Variants in NUP210 observed in about 807,000 individuals in gnomAD.
NUP210 encodes the protein nucleoporin 210.
A neutral mutation model predicts 196.0 loss-of-function variants in NUP210; 151 were observed. That is an observed-to-expected ratio of 0.77 (90% CI 0.67 to 0.88). NUP210 has a LOEUF of 0.88. Among genes scored for constraint, NUP210 ranks in the 40% least tolerant of loss-of-function variants. The pLI is 0.00. For synonymous variants in NUP210, 1,070 were observed against 1,052.7 expected (o/e 1.02, Z -0.32); for missense variants, 2,314 against 2,493.7 (o/e 0.93, Z 1.53).
At position 13,356,954 on chromosome 3, in the gene NUP210, T is replaced by C. The variant is rs189177821; in HGVS notation, c.2328+1268A>G. On this transcript the variant is annotated intron_variant, in intron 16 of 39. Coordinates refer to ENST00000254508, the MANE Select transcript of NUP210 (RefSeq NM_024923.4). Reference sequence around the variant, plus strand: ...CAGACAACGCTAAGGACAGGGAAGATGCACATAGGTATGATTTGTTTTTCT... The same window carrying C: ...CAGACAACGCTAAGGACAGGGAAGACGCACATAGGTATGATTTGTTTTTCT... 2.0e-5 allele frequency among the ~76,000 whole-genome samples: 3 copies of C among 152,312 alleles called. No homozygotes were observed. In the East Asian group the frequency reaches 5.8e-4, roughly 29 times the overall value.
intron 6 of NUP210, among the ~76,000 whole-genome samples, chr3:13,381,699 C>G (rs755498052): frequency 6.6e-6 from 1 of 152,154 alleles, no homozygotes; most frequent in Non-Finnish European, 1.5e-5. Context: ...AACAGAAAGG[C>G]GCTCCTGAGG....
chr3:13,385,877 C>T (rs1389930266), intron 6 of NUP210, among the ~76,000 whole-genome samples: 1 of 152,160 alleles, frequency 6.6e-6, no homozygotes, highest in African/African-American at 2.4e-5. Flanking sequence ...GAAGGGAATT[C>T]CAACCCTTGC....
intron 6 of NUP210, among the ~76,000 whole-genome samples, chr3:13,385,931 T>C (rs1341432983): frequency 1.3e-5 from 2 of 152,042 alleles, no homozygotes; most frequent in African/African-American, 4.8e-5. Flanking sequence ...AGGAAAAAAG[T>C]GATATAAGCC....
intron 2 of NUP210, among the ~76,000 whole-genome samples, chr3:13,398,088 C>T (rs1215539357): frequency 6.6e-6 from 1 of 152,144 alleles, no homozygotes; most frequent in African/African-American, 2.4e-5. Flanking sequence ...AATGCTTGTG[C>T]ACTTTAGTGT....
Position 13,420,021 on chromosome 3 carries a change from C to T in NUP210, c.167+39G>A, listed in dbSNP as rs565517943. The T allele has an allele frequency of 1.6e-4, 181 of 1,157,178 alleles. No homozygotes were observed. In the African/African-American group the frequency reaches 2.6e-3, roughly 17 times the overall value. The allele number at this position is 1,157,178 out of a possible 1,614,324, so 71.7% of individuals were successfully genotyped here. A position where few individuals can be genotyped will look rare whatever the true frequency, so the allele number is the denominator to read the frequency against. On this transcript the variant is annotated intron_variant, in intron 1 of 39. Coordinates refer to ENST00000254508, the MANE Select transcript of NUP210 (RefSeq NM_024923.4). The surrounding 1 kb of genome is among the most constrained non-coding windows in gnomAD (Gnocchi z 4.8). The stretch of plus-strand genomic sequence containing the variant: ...AGCCTCTCAGCGCGAAGGCCCAGCC[C>T]GGCCCACGGCGCCCGCCCGGCCCGG...
In NUP210 at chr3:13,364,743, G is replaced by A. The variant is rs550103162; in HGVS notation, c.1932+1203C>T. ...CTCAGGAGGCCGAGGCAGGAGAATC[G>A]CTTAACCCTGGAAGGCAATGGTTGC... On this transcript the variant is annotated intron_variant, in intron 14 of 39. Transcript: ENST00000254508. Among the ~76,000 whole-genome samples, 9 of 152,250 alleles carry A rather than the reference G, an allele frequency of 5.9e-5. No homozygotes were observed. In the East Asian group the frequency reaches 9.6e-4, roughly 16 times the overall value.
chr3:13,344,295 T>A (rs1463428736), intron 20 of NUP210, among the ~76,000 whole-genome samples: 1 of 152,240 alleles, frequency 6.6e-6, no homozygotes, highest in Non-Finnish European at 1.5e-5. Context: ...CTGTTTATGA[T>A]GGAATTCATA....
At chr3:13,398,827 G>C (rs1699747640) in intron 2 of NUP210, among the ~76,000 whole-genome samples, 2 of 152,238 alleles carry the variant, frequency 1.3e-5, no homozygotes, top group Admixed American at 6.5e-5. Flanking sequence ...TTAAATACTT[G>C]AGAGGCTGAG....
chr3:13,326,026 G>C (rs1336297534), intron 32 of NUP210, 95 bp from the exon 33 acceptor site: 32 of 1,500,390 alleles, frequency 2.1e-5, no homozygotes, highest in Non-Finnish European at 2.8e-5. Flanking sequence ...TTCCTCGCTG[G>C]CTGCCGCTAC....
In NUP210 at chr3:13,328,637, G is replaced by A. The variant is rs140426443; in HGVS notation, c.4286+134C>T. On this transcript the variant is annotated intron_variant, in intron 31 of 39. Transcript: ENST00000254508. ...CTCGTGGCCCTGCATGGTGCAGCAT[G>A]CCCACATCTCTTGGAAACTGAAGTA... 1.3e-4 allele frequency: 109 copies of A among 839,526 alleles called. No individual in the cohort carries two copies. In the African/African-American group the frequency reaches 1.6e-3, roughly 12 times the overall value. 52.0% of individuals were successfully genotyped at this position (839,526 alleles called of 1,614,324 possible).
chr3:13,397,463 A>G lies in NUP210; in HGVS notation c.330T>C (p.Asp110=). The G allele has an allele frequency of 1.2e-6, 2 of 1,611,694 alleles. No homozygotes were observed. Among genetic ancestry groups the G allele is most frequent in the South Asian group, 1.1e-5 (1 of 90,746 alleles). The change falls in exon 3 of 40, where the codon GAT becomes GAC. Residue 110 remains aspartate, a synonymous_variant. Transcript: ENST00000254508. ...DITTGQVLRC[D]AIVDLIHDIQ... is the part of the protein sequence containing the mutation. Reference sequence around the variant, plus strand: ...TGTCATGGATGAGGTCCACAATGGCATCACAGCGCAGGACCTGGCCTGTGG... The same window carrying G: ...TGTCATGGATGAGGTCCACAATGGCGTCACAGCGCAGGACCTGGCCTGTGG...
rs1698515236 is a variant in NUP210 at position 13,365,965 on chromosome 3, G to A, written c.1913C>T (p.Ala638Val). ...HVHLSAKITI[A>V]AYLPLKAVDP... ...GCTCACCTTGAGGGGCAGGTAGGCA[G>A]CAATGGTGATCTTGGCACTCAGGTG... Residue 638 changes from alanine (A) to valine (V), a missense_variant, in exon 14 of 40, where the codon GCT becomes GTT. Transcript: ENST00000254508. 1.2e-6 allele frequency: 2 copies of A among 1,614,160 alleles called. No individual in the cohort carries two copies. The highest frequency in any genetic ancestry group is 1.1e-5 in the South Asian group (1 of 91,088).
chr3:13,346,879 T>G (rs1052038073), intron 20 of NUP210, among the ~76,000 whole-genome samples: 2 of 152,214 alleles, frequency 1.3e-5, no homozygotes, highest in South Asian at 4.1e-4. Flanking sequence ...TAAGCTCACA[T>G]GAAAATCACA....
At chr3:13,321,862 G>C in intron 35 of NUP210, 27 bp from the exon 36 acceptor site, 1 of 1,595,078 alleles carries the variant, frequency 6.3e-7, no homozygotes, top group Non-Finnish European at 8.5e-7. Flanking sequence ...GTATTGTCTT[G>C]TCCCCTCTCC....
At chr3:13,363,124 A>C (rs1464074857) in intron 14 of NUP210, among the ~76,000 whole-genome samples, 5 of 152,206 alleles carry the variant, frequency 3.3e-5, no homozygotes, top group Non-Finnish European at 7.3e-5. Flanking sequence ...CAGGGGCTGG[A>C]ATGAAAGACC....
In NUP210 at chr3:13,412,247, T is replaced by TTA. The variant is rs1553605356; in HGVS notation, c.167+7812_167+7813insTA. On this transcript the variant is annotated intron_variant, in intron 1 of 39. Coordinates refer to ENST00000254508, the MANE Select transcript of NUP210 (RefSeq NM_024923.4). The stretch of plus-strand genomic sequence containing the variant: ...TTTCCTTTTCTTTTTTTTTTTTTTT[T>TTA]AGTAGAGACAGGGTTTCGCTATGTT... Among the ~76,000 whole-genome samples, 8 of 135,644 alleles carry TTA rather than the reference T, an allele frequency of 5.9e-5. 1 individual carries two copies. Among genetic ancestry groups the TTA allele is most frequent in the African/African-American group, 2.6e-4 (8 of 30,646 alleles). 89.0% of individuals were successfully genotyped at this position (135,644 alleles called of 152,430 possible).
intron 28 of NUP210, among the ~76,000 whole-genome samples, chr3:13,333,367 C>T (rs1697078227): frequency 6.6e-6 from 1 of 152,244 alleles, no homozygotes; most frequent in Non-Finnish European, 1.5e-5. Context: ...TAAAGCTGTG[C>T]CCTGAGCTCT....
Position 13,341,874 on chromosome 3 carries a change from A to C in NUP210, c.3102T>G (p.Asp1034Glu), listed in dbSNP as rs749912424. The C allele has an allele frequency of 6.2e-7, 1 of 1,614,200 alleles. No individual in the cohort carries two copies. Among genetic ancestry groups the C allele is most frequent in the Non-Finnish European group, 8.5e-7 (1 of 1,180,038 alleles). The change falls in exon 23 of 40, where the codon GAT becomes GAG. Residue 1034 changes from aspartate to glutamate, a missense_variant. Asp to Glu is a conservative substitution (Grantham distance 45). Coordinates refer to ENST00000254508, the MANE Select transcript of NUP210 (RefSeq NM_024923.4). ...TGATGGTGTAGTTGTCAAGGGCTTC[A>C]TCAAGGGCCCTGAAACAGAGGGAAG... ...ASPIITLVAL[D>E]EALDNYTITF... is the part of the protein sequence containing the mutation.
intron 1 of NUP210, among the ~76,000 whole-genome samples, chr3:13,411,038 A>C (rs1559351205): frequency 6.6e-6 from 1 of 151,962 alleles, no homozygotes; most frequent in Non-Finnish European, 1.5e-5. Flanking sequence ...CCTGTGCAAT[A>C]GTGAGTCTCT....
Sources: allele counts gnomAD v4.1 joint callset (sites outside exome capture counted in the v4.1 genomes callset), GRCh38; gene constraint gnomAD v4.1.1; non-coding constraint Gnocchi (gnomAD v3.1); transcripts MANE v1.5; gene names NCBI Gene and HGNC (gene_info 2026-07-23, HGNC 2026-07-21).